Variants in NEK11 observed in about 807,000 individuals in gnomAD.
NEK11 encodes serine/threonine-protein kinase Nek11.
NEK11 carries 72 observed loss-of-function variants against 80.7 expected under a neutral mutation model. The observed-to-expected ratio is 0.89, with a 90% CI of 0.74 to 1.08. The LOEUF (loss-of-function observed/expected upper bound fraction) is 1.08, where lower values mean the gene tolerates loss of function less well. NEK11 is among the 50% of genes least tolerant of loss of function. The probability of loss-of-function intolerance (pLI) is 0.00; values close to 1 mark genes in which losing one functional copy is unlikely to be tolerated. For missense variants in NEK11, 764 were observed against 763.6 expected, an observed-to-expected ratio of 1.00 and a Z score of -0.01; for synonymous variants, 251 against 260.7, an observed-to-expected ratio of 0.96 and a Z score of 0.36.
At chr3:131,331,205 C>T (rs1272134150) in intron 17 of NEK11, among the ~76,000 whole-genome samples, 7 of 152,186 alleles carry the variant, frequency 4.6e-5, no homozygotes, top group African/African-American at 1.2e-4. Flanking sequence ...TGTGTTTACC[C>T]TGTCACAGCT....
At chr3:131,175,396 G>C (rs1201730143) in intron 14 of NEK11, among the ~76,000 whole-genome samples, 1 of 152,108 alleles carries the variant, frequency 6.6e-6, no homozygotes, top group African/African-American at 2.4e-5. Flanking sequence ...TTTGTTGATG[G>C]AATATATACT....
At chr3:131,152,299 A>G in intron 7 of NEK11, 89 bp from the exon 8 acceptor site, 2 of 1,144,518 alleles carry the variant, frequency 1.7e-6, no homozygotes, top group Non-Finnish European at 2.5e-6. Context: ...CTCACAGCCA[A>G]TGCCCCAACA....
chr3:131,260,641 G>A (rs1041910794), intron 16 of NEK11, among the ~76,000 whole-genome samples: 1 of 152,084 alleles, frequency 6.6e-6, no homozygotes. Context: ...CCCCTTTACA[G>A]ATAAAGGTTT....
At chr3:131,343,809 C>T (rs1346161871) in intron 17 of NEK11, among the ~76,000 whole-genome samples, 1 of 152,198 alleles carries the variant, frequency 6.6e-6, no homozygotes, top group Admixed American at 6.5e-5. Flanking sequence ...CGAGGCTGTG[C>T]AGGGCAGTGG....
At chr3:131,262,333 C>A (rs2108492561) in intron 16 of NEK11, among the ~76,000 whole-genome samples, 1 of 152,116 alleles carries the variant, frequency 6.6e-6, no homozygotes, top group East Asian at 1.9e-4. Flanking sequence ...TCAGCCTGGG[C>A]AACATAGCAA....
intron 14 of NEK11, among the ~76,000 whole-genome samples, chr3:131,206,489 AT>A (rs2094443574): frequency 6.6e-6 from 1 of 152,224 alleles, no homozygotes; most frequent in African/African-American, 2.4e-5. Flanking sequence ...AAAACAGCTA[AT>A]AAAAATATTA....
chr3:131,208,445 G>A (rs556301451), intron 14 of NEK11, among the ~76,000 whole-genome samples: 4 of 152,080 alleles, frequency 2.6e-5, no homozygotes, highest in Non-Finnish European at 4.4e-5. Flanking sequence ...TTAGCAATGT[G>A]GGCTCTTTTT....
chr3:131,268,833 G>A (rs1441956091), intron 16 of NEK11, among the ~76,000 whole-genome samples: 1 of 152,236 alleles, frequency 6.6e-6, no homozygotes, highest in East Asian at 1.9e-4. Context: ...GAGCCAGCAG[G>A]CAGGGACGTT....
At chr3:131,133,671 C>T (rs982381041) in intron 6 of NEK11, among the ~76,000 whole-genome samples, 159 bp from the exon 7 acceptor site, 9 of 152,064 alleles carry the variant, frequency 5.9e-5, no homozygotes, top group African/African-American at 9.7e-5. Flanking sequence ...TATTTACCAG[C>T]GTTGTATAAT....
intron 17 of NEK11, among the ~76,000 whole-genome samples, chr3:131,308,265 G>C (rs1005114570): frequency 1.3e-5 from 2 of 152,154 alleles, no homozygotes; most frequent in Non-Finnish European, 2.9e-5. Flanking sequence ...CTTTAGTAAG[G>C]GGTTCTGCTG....
intron 12 of NEK11, among the ~76,000 whole-genome samples, chr3:131,166,975 T>A (rs2092294068): frequency 2.6e-5 from 4 of 152,214 alleles, no homozygotes; most frequent in Admixed American, 6.5e-5. Flanking sequence ...AACTGCACAT[T>A]CCCACAAATC....
chr3:131,232,615 C>G (rs1056654777), intron 15 of NEK11, among the ~76,000 whole-genome samples: 2 of 152,168 alleles, frequency 1.3e-5, no homozygotes, highest in African/African-American at 4.8e-5. Flanking sequence ...CCAAATCATT[C>G]AGAGGTTTTG....
rs1213856174 is a variant in NEK11, at chr3:131,066,263, C to A, written c.171-14160C>A. 2.6e-5 allele frequency among the ~76,000 whole-genome samples: 4 copies of A among 152,208 alleles called. No individual in the cohort carries two copies. In the East Asian group the frequency reaches 7.7e-4, roughly 29 times the overall value. Reference sequence around the variant, plus strand: ...TCTCACAAGCCATCTGTTTAATCAGCAGTTCTTCAATATTGCCAGCAATTT... The same window carrying A: ...TCTCACAAGCCATCTGTTTAATCAGAAGTTCTTCAATATTGCCAGCAATTT... On this transcript the variant is annotated intron_variant, in intron 3 of 17. Transcript: ENST00000383366.
intron 16 of NEK11, among the ~76,000 whole-genome samples, chr3:131,255,354 C>T (rs1278482504): frequency 6.6e-6 from 1 of 152,132 alleles, no homozygotes; most frequent in African/African-American, 2.4e-5. Flanking sequence ...ATAACACATA[C>T]CCAGTTCTAC....
intron 14 of NEK11, among the ~76,000 whole-genome samples, chr3:131,172,552 A>G (rs1044196113): frequency 2.0e-5 from 3 of 152,230 alleles, no homozygotes; most frequent in Non-Finnish European, 4.4e-5. Flanking sequence ...AAACAAATAT[A>G]TATTTCAGAT....
At chr3:131,247,033 T>C (rs976014036) in intron 16 of NEK11, among the ~76,000 whole-genome samples, 5 of 152,106 alleles carry the variant, frequency 3.3e-5, no homozygotes, top group Admixed American at 3.3e-4. Flanking sequence ...TTGTTGGATG[T>C]ATAGATTGTA....
chr3:131,175,656 G>C (rs1174285618), intron 14 of NEK11, among the ~76,000 whole-genome samples: 1 of 152,118 alleles, frequency 6.6e-6, no homozygotes, highest in Non-Finnish European at 1.5e-5. Context: ...AGAAAAGTTT[G>C]TAAGTTTGCT....
intron 5 of NEK11, among the ~76,000 whole-genome samples, chr3:131,128,505 A>G (rs1437445378): frequency 6.6e-6 from 1 of 152,192 alleles, no homozygotes; most frequent in Non-Finnish European, 1.5e-5. Flanking sequence ...TCTTAGCACT[A>G]AATAATATTC....
chr3:131,078,345 A>G (rs1179275398), intron 3 of NEK11, among the ~76,000 whole-genome samples: 1 of 152,206 alleles, frequency 6.6e-6, no homozygotes, highest in Non-Finnish European at 1.5e-5. Context: ...AAAAAAGGTC[A>G]AACGTTACCC....
Sources: allele counts gnomAD v4.1 joint callset (sites outside exome capture counted in the v4.1 genomes callset), GRCh38; gene constraint gnomAD v4.1.1; transcripts MANE v1.5; gene names NCBI Gene and HGNC (gene_info 2026-07-23, HGNC 2026-07-21).